RAB11FIP5: variants seen among roughly 807,000 people sequenced by gnomAD.
The protein encoded by RAB11FIP5 is RAB11 family interacting protein 5.
A neutral mutation model predicts 85.1 loss-of-function variants in RAB11FIP5; 48 were observed. The observed-to-expected ratio is 0.56, with a 90% CI of 0.45 to 0.72. RAB11FIP5 has a LOEUF of 0.72. Among genes scored for constraint, RAB11FIP5 ranks in the 30% least tolerant of loss-of-function variants. The probability of loss-of-function intolerance (pLI) is 0.00; values close to 1 mark genes in which losing one functional copy is unlikely to be tolerated. For missense variants in RAB11FIP5, 1,491 were observed against 1,687.0 expected, an observed-to-expected ratio of 0.88 and a Z score of 2.04; for synonymous variants, 729 against 727.3, an observed-to-expected ratio of 1.00 and a Z score of -0.04.
At position 73,088,531 on chromosome 2, in the gene RAB11FIP5, G is replaced by A. The variant is rs942595887; in HGVS notation, c.1087C>T (p.Pro363Ser). The A allele has an allele frequency of 3.7e-6, 6 of 1,613,996 alleles. No individual in the cohort carries two copies. Among genetic ancestry groups the A allele is most frequent in the Non-Finnish European group, 5.1e-6 (6 of 1,180,058 alleles). ...ACAGCTTGCAAGGAGCCAGAGGATG[G>A]AAGCGAGCCCGAGATGGAGCTGCGG... is the stretch of plus-strand genomic sequence containing the variant. ...RHRSSISGSL[P>S]SSGSLQAVSS... Residue 363 changes from proline to serine, a missense_variant, in exon 3 of 6, where the codon CCA (proline) becomes TCA (serine). Coordinates refer to ENST00000486777, the MANE Select transcript of RAB11FIP5 (RefSeq NM_001371272.1).
In RAB11FIP5 at chr2:73,088,726, T is replaced by A; in HGVS notation, c.892A>T (p.Lys298Ter). ...EGGRDSAQSP[K>*]LFTHKRTYSD... ...TAGGTCCTCTTATGGGTGAACAGCTTGGGGGACTGTGCAGAGTCCCTGCCT... is the reference window on the plus strand; with the variant it reads ...TAGGTCCTCTTATGGGTGAACAGCTAGGGGGACTGTGCAGAGTCCCTGCCT... The change falls in exon 3 of 6, where the codon AAG becomes TAG. Residue 298 changes from lysine (K) to a stop codon, truncating the protein, a stop_gained. Transcript: ENST00000486777. LOFTEE classifies it high-confidence loss of function. 1 of 1,606,454 alleles carries A rather than the reference T, an allele frequency of 6.2e-7. No homozygotes were observed. Among genetic ancestry groups the A allele is most frequent in the Non-Finnish European group, 8.5e-7 (1 of 1,176,816 alleles).
intron 1 of RAB11FIP5, among the ~76,000 whole-genome samples, chr2:73,090,413 G>GT (rs1684186325): frequency 6.6e-6 from 1 of 152,200 alleles, no homozygotes; most frequent in East Asian, 1.9e-4. Flanking sequence ...GCCTACTGAG[G>GT]TAAAGACTTA....
In RAB11FIP5 at chr2:73,076,172, C is replaced by T. The variant is rs147740837; in HGVS notation, c.3592G>A (p.Val1198Met). 1.4e-4 allele frequency: 223 copies of T among 1,608,654 alleles called. No homozygotes were observed. In the African/African-American group the frequency reaches 2.7e-3, roughly 19 times the overall value. Reference sequence around the variant, plus strand: ...ACAGGGGCGGCACTGAGGGGCTTCACGGGGTGGGGACTGCAAAGACATACA... The same window carrying T: ...ACAGGGGCGGCACTGAGGGGCTTCATGGGGTGGGGACTGCAAAGACATACA... ...EPQPSASPHP[V>M]KPLSAAPVEG... Residue 1198 changes from valine (V) to methionine (M), a missense_variant, in exon 5 of 6, where the codon GTG (valine) becomes ATG (methionine). Val to Met is a conservative substitution (Grantham distance 21). This residue lies in a region of RAB11FIP5 where 232 missense variants were observed against 259.1 expected (regional missense o/e 0.90). Coordinates refer to ENST00000486777, the MANE Select transcript of RAB11FIP5 (RefSeq NM_001371272.1).
rs1326907593 is a variant in RAB11FIP5 at position 73,112,431 on chromosome 2, G to C, written c.347C>G (p.Ser116Trp). The change falls in exon 1 of 6, where the codon TCG becomes TGG. Residue 116 changes from serine (S) to tryptophan (W), a missense_variant. Around this residue, in one of 3 missense-constraint regions of RAB11FIP5, gnomAD observed 1,211 missense variants for 1,338.0 expected, o/e 0.91. Transcript: ENST00000486777. ...CAGGAACTTGTCGACGCCGATGAGC[G>C]AGCGGTGCATGGTGGTGAGCACCAG... ...CELVLTTMHRSLIGVDKFLGQ... is the reference protein window; with the variant it reads ...CELVLTTMHRWLIGVDKFLGQ... The C allele has an allele frequency of 6.2e-7, 1 of 1,601,226 alleles. No homozygotes were observed.
rs369090487 is a variant in RAB11FIP5 at position 73,088,350 on chromosome 2, T to G, written c.1268A>C (p.Glu423Ala). The change falls in exon 3 of 6, where the codon GAG (glutamate) becomes GCG (alanine). Residue 423 changes from glutamate (E) to alanine (A), a missense_variant. By Grantham distance (107) the Glu-to-Ala change is moderately radical. This residue lies in a region of RAB11FIP5 where 1,211 missense variants were observed against 1,338.0 expected (regional missense o/e 0.91). Transcript: ENST00000486777. Reference sequence around the variant, plus strand: ...GCCCTCTGGTAGCCGGGCCCCCTCCTCCTCTCCAGGGTGGCTGGCCCCAGG... The same window carrying G: ...GCCCTCTGGTAGCCGGGCCCCCTCCGCCTCTCCAGGGTGGCTGGCCCCAGG... ...LAPGASHPGE[E>A]EGARLPEGKP... is the part of the protein sequence containing the mutation. 2.6e-4 allele frequency: 418 copies of G among 1,613,264 alleles called. 3 individuals are homozygous for G. In the South Asian group the frequency reaches 4.2e-3, roughly 16 times the overall value.
rs926285444 is a variant in RAB11FIP5 at position 73,080,685 on chromosome 2, T to C, written c.2547A>G (p.Leu849=). 8.1e-7 allele frequency: 1 copy of C among 1,232,478 alleles called. No individual in the cohort carries two copies. Among genetic ancestry groups the C allele is most frequent in the South Asian group, 4.1e-5 (1 of 24,308 alleles). 76.3% of individuals were successfully genotyped at this position (1,232,478 alleles called of 1,614,324 possible). The change falls in exon 4 of 6, where the codon CTA becomes CTG. Residue 849 remains leucine, a synonymous_variant. Coordinates refer to ENST00000486777, the MANE Select transcript of RAB11FIP5 (RefSeq NM_001371272.1). ...GCTCATCAGACTCTCCCCGAAAGACTAGTGAGGCTGTCTCAGCTGCAGGAG... is the reference window on the plus strand; with the variant it reads ...GCTCATCAGACTCTCCCCGAAAGACCAGTGAGGCTGTCTCAGCTGCAGGAG... The part of the protein sequence containing the change: ...TISPAAETAS[L]VFRGESDEPA...
Position 73,075,981 on chromosome 2 carries a change from G to C in RAB11FIP5, c.3771+12C>G. On this transcript the variant is annotated intron_variant, in intron 5 of 5. Coordinates refer to ENST00000486777, the MANE Select transcript of RAB11FIP5 (RefSeq NM_001371272.1). The surrounding 1 kb of genome is among the most constrained non-coding windows in gnomAD (Gnocchi z 4.6). ...TTCTGTCAGATGGCCCCCACACCCTGCTGGGCCTTACCTTCAGCCTTTTGG... is the reference window on the plus strand; with the variant it reads ...TTCTGTCAGATGGCCCCCACACCCTCCTGGGCCTTACCTTCAGCCTTTTGG... The C allele has an allele frequency of 6.2e-7, 1 of 1,608,254 alleles. No individual in the cohort carries two copies. Among genetic ancestry groups the C allele is most frequent in the Non-Finnish European group, 8.5e-7 (1 of 1,175,824 alleles).
intron 4 of RAB11FIP5, among the ~76,000 whole-genome samples, chr2:73,077,197 C>G (rs1559231690): frequency 6.6e-6 from 1 of 152,228 alleles, no homozygotes; most frequent in Non-Finnish European, 1.5e-5. Flanking sequence ...TGGGTTACCC[C>G]TCAGGTGCAT....
chr2:73,077,831 T>C (rs1005605760), intron 4 of RAB11FIP5, among the ~76,000 whole-genome samples: 5 of 152,222 alleles, frequency 3.3e-5, no homozygotes, highest in African/African-American at 1.2e-4. Context: ...CCACATTAAC[T>C]ATCCTGCCCA....
In RAB11FIP5 at chr2:73,079,850, G is replaced by C. The variant is rs938667137; in HGVS notation, c.3382C>G (p.Leu1128Val). 4.9e-6 allele frequency: 6 copies of C among 1,232,412 alleles called. No individual in the cohort carries two copies. The highest frequency in any genetic ancestry group is 6.1e-6 in the Non-Finnish European group (6 of 988,178). 76.3% of individuals were successfully genotyped at this position (1,232,412 alleles called of 1,614,324 possible). A position where few individuals can be genotyped will look rare whatever the true frequency, so the allele number is the denominator to read the frequency against. The change falls in exon 4 of 6, where the codon CTG becomes GTG. Residue 1128 changes from leucine to valine, a missense_variant. Leu to Val is a conservative substitution (Grantham distance 32). Around this residue, in one of 3 missense-constraint regions of RAB11FIP5, gnomAD observed 232 missense variants for 259.1 expected, o/e 0.90. Coordinates refer to ENST00000486777, the MANE Select transcript of RAB11FIP5 (RefSeq NM_001371272.1). ...RGGPSPPCSP[L>V]SEAWPLTTSS... Reference sequence around the variant, plus strand: ...GTAGTCAGGGGCCAGGCTTCAGACAGGGGAGAGCATGGAGGGCTGGGCCCC... The same window carrying C: ...GTAGTCAGGGGCCAGGCTTCAGACACGGGAGAGCATGGAGGGCTGGGCCCC...
In RAB11FIP5 at chr2:73,086,184, C is replaced by T. The variant is rs528982434; in HGVS notation, c.1568+1866G>A. Among the ~76,000 whole-genome samples the T allele has an allele frequency of 6.6e-6, 1 of 152,236 alleles. No individual in the cohort carries two copies. Among genetic ancestry groups the T allele is most frequent in the South Asian group, 2.1e-4 (1 of 4,824 alleles). ...ACCCAAAGCACAGCCCCTCCCACCC[C>T]ATCTGCATGCACGGCCACAGAGCCT... On this transcript the variant is annotated intron_variant, in intron 3 of 5. Transcript: ENST00000486777. This position sits in a 1 kb window ranked among gnomAD's most constrained non-coding sequence, Gnocchi z 4.4.
chr2:73,105,060 AG>A (rs1313946668), intron 1 of RAB11FIP5, among the ~76,000 whole-genome samples: 1 of 152,180 alleles, frequency 6.6e-6, no homozygotes, highest in African/African-American at 2.4e-5. Flanking sequence ...TGCAGGAGGA[AG>A]AACAGGATGG....
At chr2:73,099,039 T>C (rs1242404091) in intron 1 of RAB11FIP5, among the ~76,000 whole-genome samples, 1 of 151,214 alleles carries the variant, frequency 6.6e-6, no homozygotes, top group Non-Finnish European at 1.5e-5. Flanking sequence ...TTTTGTTTTT[T>C]TTTTCTTTTT....
rs3813222 is a variant in RAB11FIP5, at chr2:73,080,442, C to T, written c.2790G>A (p.Pro930=). 0.25 allele frequency: 304,131 copies of T among 1,233,422 alleles called. 43,853 individuals carry two copies. The highest frequency in any genetic ancestry group is 0.59 in the African/African-American group (37,773 of 64,472). 76.4% of individuals were successfully genotyped at this position (1,233,422 alleles called of 1,614,324 possible). ...GGGAGGCATCTTCTCCCTCTGTCTC[C>T]GGCCCCCTGTTACTCAGCCCCACTG... is the stretch of plus-strand genomic sequence containing the variant. The part of the protein sequence containing the change: ...KAAVGLSNRG[P]ETEGEDASPS... The change falls in exon 4 of 6, where the codon CCG becomes CCA. Residue 930 remains proline, a synonymous_variant. Coordinates refer to ENST00000486777, the MANE Select transcript of RAB11FIP5 (RefSeq NM_001371272.1).
At chr2:73,082,145 T>C (rs1223860450) in intron 3 of RAB11FIP5, among the ~76,000 whole-genome samples, 7 of 151,948 alleles carry the variant, frequency 4.6e-5, no homozygotes, top group Non-Finnish European at 8.8e-5. Flanking sequence ...AAGCCATTCT[T>C]GTGCCTCAGT....
rs1230260411 is a variant in RAB11FIP5 at position 73,074,318 on chromosome 2, A to C, written c.*1203T>G. 6.6e-6 allele frequency: 1 copy of C among 152,348 alleles called. No individual in the cohort carries two copies. The highest frequency in any genetic ancestry group is 1.5e-5 in the Non-Finnish European group (1 of 68,150). 9.4% of individuals were successfully genotyped at this position (152,348 alleles called of 1,614,324 possible). On this transcript the variant is annotated 3_prime_UTR_variant, in exon 6 of 6. Transcript: ENST00000486777. Reference sequence around the variant, plus strand: ...GTATGGCTAAGTCCTGAGGCCAGACAATGAGAGTGAGCAGGGCAGCCCCAG... The same window carrying C: ...GTATGGCTAAGTCCTGAGGCCAGACCATGAGAGTGAGCAGGGCAGCCCCAG...
At chr2:73,112,222 G>T (rs1323317315) in intron 1 of RAB11FIP5, 125 bp downstream of exon 1, 22 of 1,136,048 alleles carry the variant, frequency 1.9e-5, no homozygotes, top group Non-Finnish European at 2.5e-5. Context: ...CGTTTCTGTC[G>T]GTTTACGCCC....
intron 3 of RAB11FIP5, among the ~76,000 whole-genome samples, chr2:73,087,111 C>A (rs376307147): frequency 3.3e-5 from 5 of 152,166 alleles, no homozygotes; most frequent in African/African-American, 1.2e-4. Flanking sequence ...AGCCATGGAG[C>A]GGGAAGGGCA....
At chr2:73,104,269 C>G (rs940004935) in intron 1 of RAB11FIP5, among the ~76,000 whole-genome samples, 9 of 152,092 alleles carry the variant, frequency 5.9e-5, no homozygotes, top group African/African-American at 2.2e-4. Context: ...GAATTTGGAC[C>G]AGGTGAACTA....
Sources: allele counts gnomAD v4.1 joint callset (sites outside exome capture counted in the v4.1 genomes callset), GRCh38; gene constraint gnomAD v4.1.1; regional missense constraint gnomAD v4.1.1; non-coding constraint Gnocchi (gnomAD v3.1); transcripts MANE v1.5; gene names NCBI Gene and HGNC (gene_info 2026-07-23, HGNC 2026-07-21).